The following SUMF1 variants were observed in gnomAD, a reference collection of about 807,000 sequenced individuals.
SUMF1 encodes formylglycine-generating enzyme.
A neutral mutation model predicts 47.6 loss-of-function variants in SUMF1; 48 were observed. The ratio of observed to expected loss-of-function variants is 1.01; its 90% confidence interval spans 0.80 to 1.28. SUMF1 has a LOEUF of 1.28. Ranked by LOEUF, SUMF1 falls within the 50% of genes most tolerant of loss-of-function variation. The pLI is 0.00. For missense variants in SUMF1, 571 were observed against 485.4 expected, an observed-to-expected ratio of 1.18 and a Z score of -1.66; for synonymous variants, 230 against 192.1, an observed-to-expected ratio of 1.20 and a Z score of -1.63.
At chr3:4,313,739 C>A (rs775670266) in intron 8 of SUMF1, 3 of 1,614,012 alleles carry the variant, frequency 1.9e-6, no homozygotes, top group Non-Finnish European at 2.5e-6. Context: ...GTGTTCCCCT[C>A]CTGCAAGCGA....
At chr3:4,272,330 T>C (rs1272153389) in intron 8 of SUMF1, among the ~76,000 whole-genome samples, 1 of 152,184 alleles carries the variant, frequency 6.6e-6, no homozygotes, top group African/African-American at 2.4e-5. Flanking sequence ...CAACAAGGGC[T>C]TTAATCGACC....
chr3:4,438,630 A>C (rs1039192920), intron 3 of SUMF1, among the ~76,000 whole-genome samples: 4 of 152,190 alleles, frequency 2.6e-5, no homozygotes, highest in African/African-American at 7.2e-5. Context: ...ACATACGCTT[A>C]GTAACATAGC....
At chr3:4,398,640 A>C (rs1003509681) in intron 7 of SUMF1, among the ~76,000 whole-genome samples, 1 of 152,186 alleles carries the variant, frequency 6.6e-6, no homozygotes, top group Non-Finnish European at 1.5e-5. Flanking sequence ...ATAATTTTTA[A>C]AAATAATTTA....
In SUMF1 at chr3:4,182,577, A is replaced by T. The variant is rs149797552; in HGVS notation, c.1015-113832T>A. ...GGTCCCAAAGAGCTAGAATAGTTCA[A>T]TAGGCTTTGTTCTGCTATATATTCC... On this transcript the variant is annotated intron_variant and NMD_transcript_variant, in intron 8 of 12. Transcript: ENST00000448413. 1.8e-3 allele frequency among the ~76,000 whole-genome samples: 276 copies of T among 152,168 alleles called. 2 individuals are homozygous for T. The highest frequency in any genetic ancestry group is 6.4e-3 in the African/African-American group (265 of 41,534).
intron 8 of SUMF1, among the ~76,000 whole-genome samples, chr3:4,373,719 C>T (rs550689039): frequency 6.6e-6 from 1 of 152,044 alleles, no homozygotes; most frequent in African/African-American, 2.4e-5. Context: ...GTCAGCAATA[C>T]CCTGAAACCA....
At chr3:4,463,246 C>T (rs189060314) in intron 1 of SUMF1, among the ~76,000 whole-genome samples, 19 of 152,364 alleles carry the variant, frequency 1.2e-4, no homozygotes, top group Admixed American at 5.9e-4. Context: ...AATCCCAGCA[C>T]TTTGGGAGGC....
intron 8 of SUMF1, among the ~76,000 whole-genome samples, chr3:4,209,829 A>T (rs988531606): frequency 2.6e-5 from 4 of 152,158 alleles, no homozygotes; most frequent in Non-Finnish European, 4.4e-5. Context: ...TACGCTAAAG[A>T]CTACCACAGA....
At chr3:4,155,843 A>G (rs1333781291) in intron 8 of SUMF1, among the ~76,000 whole-genome samples, 1 of 150,964 alleles carries the variant, frequency 6.6e-6, no homozygotes, top group Non-Finnish European at 1.5e-5. Context: ...CCCAGGACCA[A>G]AAATCAATTT....
chr3:4,281,228 T>G (rs1697523180), intron 8 of SUMF1, among the ~76,000 whole-genome samples: 1 of 152,096 alleles, frequency 6.6e-6, no homozygotes, highest in Non-Finnish European at 1.5e-5. Context: ...GAAAGACCAC[T>G]CTACTTGCAC....
chr3:4,263,880 T>C (rs988795249), intron 8 of SUMF1, among the ~76,000 whole-genome samples: 2 of 152,144 alleles, frequency 1.3e-5, no homozygotes, highest in African/African-American at 4.8e-5. Flanking sequence ...TGCAATTGAG[T>C]TGCTTATTTT....
At chr3:4,272,138 C>T (rs1224119044) in intron 8 of SUMF1, among the ~76,000 whole-genome samples, 1 of 152,164 alleles carries the variant, frequency 6.6e-6, no homozygotes, top group Middle Eastern at 3.2e-3. Flanking sequence ...GTAGGGAAAT[C>T]TACTTAATAA....
At chr3:4,264,741 C>G (rs934433308) in intron 8 of SUMF1, among the ~76,000 whole-genome samples, 1 of 152,138 alleles carries the variant, frequency 6.6e-6, no homozygotes. Context: ...AGCCTGGACT[C>G]TCTCAGGCTA....
chr3:4,463,055 T>A (rs997056308), intron 1 of SUMF1, among the ~76,000 whole-genome samples: 3 of 152,204 alleles, frequency 2.0e-5, no homozygotes, highest in African/African-American at 7.2e-5. Context: ...AGTTTCTCAA[T>A]ACTGTATCCA....
rs1183116886 is a variant in SUMF1, at chr3:4,361,194, T to C, written c.*950A>G. On this transcript the variant is annotated 3_prime_UTR_variant, in exon 9 of 9. Coordinates refer to ENST00000272902, the MANE Select transcript of SUMF1 (RefSeq NM_182760.4). Reference sequence around the variant, plus strand: ...TCAACACAGTGCATGATTCAAAGCATCGGATATTCCACAGCCAACAAGGTT... The same window carrying C: ...TCAACACAGTGCATGATTCAAAGCACCGGATATTCCACAGCCAACAAGGTT... The C allele has an allele frequency of 6.6e-6, 1 of 152,464 alleles. No homozygotes were observed. Among genetic ancestry groups the C allele is most frequent in the African/African-American group, 2.4e-5 (1 of 41,456 alleles). The allele number at this position is 152,464 out of a possible 1,614,324, so 9.4% of individuals were successfully genotyped here. A position where few individuals can be genotyped will look rare whatever the true frequency, so the allele number is the denominator to read the frequency against.
chr3:4,203,054 C>T (rs567077693), intron 8 of SUMF1, among the ~76,000 whole-genome samples: 15 of 151,972 alleles, frequency 9.9e-5, no homozygotes, highest in African/African-American at 3.6e-4. Flanking sequence ...TGAGAAGCAG[C>T]AGCCACCATT....
chr3:4,459,313 A>C (rs4583637), intron 1 of SUMF1, among the ~76,000 whole-genome samples: 1,775 of 152,258 alleles, frequency 0.012, 36 homozygotes, highest in African/African-American at 0.041. Flanking sequence ...AATTATTATA[A>C]AATTATTTGT....
intron 8 of SUMF1, among the ~76,000 whole-genome samples, chr3:4,300,723 G>A (rs1464745700): frequency 6.6e-6 from 1 of 152,204 alleles, no homozygotes; most frequent in Non-Finnish European, 1.5e-5. Context: ...GTGGGTGTGA[G>A]TGAGAAAAGT....
chr3:4,360,547 A>C (rs1450631889), downstream of SUMF1, among the ~76,000 whole-genome samples: 1 of 151,952 alleles, frequency 6.6e-6, no homozygotes, highest in Non-Finnish European at 1.5e-5. Context: ...TGGCCAAGCT[A>C]ATCTCGAACT....
chr3:4,035,214 G>T (rs570038231), intron 9 of SUMF1, among the ~76,000 whole-genome samples: 1 of 152,242 alleles, frequency 6.6e-6, no homozygotes, highest in Non-Finnish European at 1.5e-5. Context: ...ATCACAAAAT[G>T]AATGGCTTAA....
Sources: gnomAD v4.1 joint callset for allele counts (sites outside exome capture counted in the v4.1 genomes callset) on GRCh38, gnomAD v4.1.1 for gene constraint, MANE v1.5 for transcripts, NCBI Gene and HGNC (gene_info 2026-07-23, HGNC 2026-07-21) for gene names.